DLG2: variants seen among roughly 807,000 people sequenced by gnomAD.
DLG2 encodes the protein disks large homolog 2.
A neutral mutation model predicts 132.5 loss-of-function variants in DLG2; 45 were observed. The ratio of observed to expected loss-of-function variants is 0.34; its 90% CI spans 0.27 to 0.44. The LOEUF is 0.44. Among genes scored for constraint, DLG2 ranks in the 20% least tolerant of loss-of-function variants. The pLI is 1.00. For missense variants in DLG2, 1,045 were observed against 1,196.9 expected (o/e 0.87, Z 1.87); for synonymous variants, 424 against 419.6 (o/e 1.01, Z -0.13).
At chr11:85,073,968 C>T (rs1167289015) in intron 6 of DLG2, among the ~76,000 whole-genome samples, 1 of 151,744 alleles carries the variant, frequency 6.6e-6, no homozygotes, top group East Asian at 1.9e-4. Flanking sequence ...TATCTGAAGG[C>T]CATTATCCAA....
At chr11:85,114,645 T>C (rs1284656641) in intron 5 of DLG2, among the ~76,000 whole-genome samples, 1 of 152,014 alleles carries the variant, frequency 6.6e-6, no homozygotes, top group African/African-American at 2.4e-5. Flanking sequence ...CTTGGTTATC[T>C]GTTTCTCACT....
chr11:85,276,998 A>T (rs10501592), intron 4 of DLG2, among the ~76,000 whole-genome samples: 6,343 of 152,232 alleles, frequency 0.042, 178 homozygotes, highest in East Asian at 0.096. Flanking sequence ...TTCGTGATTG[A>T]TAGACAGGTA....
At chr11:85,029,634 C>G (rs2060842121) in intron 6 of DLG2, among the ~76,000 whole-genome samples, 1 of 152,140 alleles carries the variant, frequency 6.6e-6, no homozygotes, top group African/African-American at 2.4e-5. Flanking sequence ...CCAAGTTTAG[C>G]CTAAAGCTGC....
intron 6 of DLG2, among the ~76,000 whole-genome samples, chr11:85,069,596 C>G (rs1014881747): frequency 2.6e-5 from 4 of 152,132 alleles, no homozygotes; most frequent in African/African-American, 9.7e-5. Context: ...ATCAAAACCA[C>G]AATGAGATAC....
chr11:85,485,822 C>A (rs922017661), intron 3 of DLG2, among the ~76,000 whole-genome samples: 1 of 152,178 alleles, frequency 6.6e-6, no homozygotes, highest in Non-Finnish European at 1.5e-5. Flanking sequence ...TATCTGAGCC[C>A]TGAGCAGCTG....
chr11:84,103,087 T>C (rs1195318491), intron 9 of DLG2, among the ~76,000 whole-genome samples: 4 of 152,142 alleles, frequency 2.6e-5, no homozygotes, highest in African/African-American at 4.8e-5. Context: ...AAAACTAGTC[T>C]ACCAGCTGGG....
At chr11:85,153,326 G>A (rs2077386641) in intron 5 of DLG2, among the ~76,000 whole-genome samples, 1 of 152,008 alleles carries the variant, frequency 6.6e-6, no homozygotes, top group Non-Finnish European at 1.5e-5. Flanking sequence ...TATTTTCTTA[G>A]TTGTTCCCAT....
Position 83,980,659 on chromosome 11 carries a change from G to T in DLG2, c.920-17C>A. ...AGCCTAAACCTATAAGAAAGGAACA[G>T]AAAATGGAAAGCCTTGTTTTGTTGT... On this transcript the variant is annotated splice_polypyrimidine_tract_variant and intron_variant, in intron 11 of 27. Coordinates refer to ENST00000376104, the MANE Select transcript of DLG2 (RefSeq NM_001142699.3). The T allele has an allele frequency of 6.5e-7, 1 of 1,536,986 alleles. No homozygotes were observed. Among genetic ancestry groups the T allele is most frequent in the Non-Finnish European group, 8.7e-7 (1 of 1,145,420 alleles).
intron 4 of DLG2, among the ~76,000 whole-genome samples, chr11:85,163,104 T>G (rs986438606): frequency 1.8e-4 from 27 of 152,058 alleles, no homozygotes; most frequent in African/African-American, 6.5e-4. Flanking sequence ...AGACTAGAAG[T>G]TCTTCAGTTT....
intron 6 of DLG2, among the ~76,000 whole-genome samples, chr11:84,856,523 G>A (rs2082811140): frequency 2.0e-5 from 3 of 152,010 alleles, no homozygotes; most frequent in Admixed American, 2.0e-4. Context: ...TCCATTACCT[G>A]TCCTAAATAT....
At chr11:85,333,169 G>T (rs1317836097) in intron 3 of DLG2, among the ~76,000 whole-genome samples, 1 of 151,942 alleles carries the variant, frequency 6.6e-6, no homozygotes, top group Non-Finnish European at 1.5e-5. Flanking sequence ...TCCCTGATTA[G>T]CTATATTCCT....
chr11:85,545,968 G>A (rs181122980), intron 3 of DLG2, among the ~76,000 whole-genome samples: 1 of 151,972 alleles, frequency 6.6e-6, no homozygotes, highest in Non-Finnish European at 1.5e-5. Flanking sequence ...TTTTATGTAG[G>A]GTTTTTTGTG....
At position 83,752,375 on chromosome 11, in the gene DLG2, G is replaced by A. The variant is rs368182575; in HGVS notation, c.1825+34315C>T. 7.6e-4 allele frequency among the ~76,000 whole-genome samples: 115 copies of A among 152,002 alleles called. 3 individuals are homozygous for A. The South Asian group carries it at 0.024, about 32-fold the overall frequency. Reference sequence around the variant, plus strand: ...TCCCCATTCCAAAACACACAGAATTGACCAGGAGAAACCAGGAGGAAAATC... The same window carrying A: ...TCCCCATTCCAAAACACACAGAATTAACCAGGAGAAACCAGGAGGAAAATC... On this transcript the variant is annotated intron_variant, in intron 18 of 27. Transcript: ENST00000376104.
chr11:83,986,259 T>C (rs1182090333), intron 11 of DLG2, among the ~76,000 whole-genome samples: 2 of 147,834 alleles, frequency 1.4e-5, no homozygotes, highest in Non-Finnish European at 3.0e-5. Flanking sequence ...CCTTCCTGTG[T>C]CCATGTGTTC....
At chr11:85,269,107 T>C (rs915628284) in intron 4 of DLG2, among the ~76,000 whole-genome samples, 2 of 152,258 alleles carry the variant, frequency 1.3e-5, no homozygotes, top group African/African-American at 4.8e-5. Flanking sequence ...AATCTAGTTC[T>C]CACTCAGATG....
intron 3 of DLG2, among the ~76,000 whole-genome samples, chr11:85,478,826 C>T (rs1040914031): frequency 6.6e-5 from 10 of 151,984 alleles, no homozygotes; most frequent in Non-Finnish European, 4.4e-5. Flanking sequence ...GTTGTTTAAG[C>T]AATTAAATAA....
intron 6 of DLG2, among the ~76,000 whole-genome samples, chr11:84,778,589 T>C (rs2153903298): frequency 6.6e-6 from 1 of 152,290 alleles, no homozygotes; most frequent in South Asian, 2.1e-4. Context: ...GAGAATGAGA[T>C]TTTTTATTTG....
chr11:84,068,815 A>T (rs189170782), intron 10 of DLG2, among the ~76,000 whole-genome samples: 143 of 152,338 alleles, frequency 9.4e-4, no homozygotes, highest in Non-Finnish European at 1.6e-3. Flanking sequence ...GTAAATAGAA[A>T]CACTGAAAAG....
chr11:84,253,487 T>C (rs1209578137), intron 7 of DLG2, among the ~76,000 whole-genome samples: 1 of 152,202 alleles, frequency 6.6e-6, no homozygotes, highest in Non-Finnish European at 1.5e-5. Flanking sequence ...TCTCTTAAGA[T>C]AGACTACTGT....
Sources: gnomAD v4.1 joint callset for allele counts (sites outside exome capture counted in the v4.1 genomes callset) on GRCh38, gnomAD v4.1.1 for gene constraint, MANE v1.5 for transcripts, NCBI Gene and HGNC (gene_info 2026-07-23, HGNC 2026-07-21) for gene names.